The following TENM2 variants were observed in gnomAD, a reference collection of about 807,000 sequenced individuals.
TENM2 encodes teneurin transmembrane protein 2, also known as teneurin-2.
A neutral mutation model predicts 245.2 loss-of-function variants in TENM2; 52 were observed. The observed-to-expected ratio is 0.21, with a 90% CI of 0.17 to 0.27. TENM2 has a LOEUF of 0.27. Ranked by LOEUF, TENM2 falls within the 10% of genes least tolerant of loss-of-function variation. TENM2 has a pLI of 1.00. For missense variants in TENM2, 3,046 were observed against 3,666.8 expected, an observed-to-expected ratio of 0.83 and a Z score of 4.37; for synonymous variants, 1,363 against 1,438.9, an observed-to-expected ratio of 0.95 and a Z score of 1.19.
In TENM2 at chr5:168,067,611, C is replaced by T. The variant is rs188545305; in HGVS notation, c.1515+5346C>T. Among the ~76,000 whole-genome samples, 101 of 152,218 alleles carry T rather than the reference C, an allele frequency of 6.6e-4. 1 individual carries two copies. The highest frequency in any genetic ancestry group is 2.3e-3 in the African/African-American group (96 of 41,546). ...CATTTGAAAATGAACTCTGTCTTTCCTTGTCCCCTTCTTTCTTGCCTAAGT... is the reference window on the plus strand; with the variant it reads ...CATTTGAAAATGAACTCTGTCTTTCTTTGTCCCCTTCTTTCTTGCCTAAGT... On this transcript the variant is annotated intron_variant, in intron 7 of 28. Transcript: ENST00000518659.
chr5:167,454,127 T>C (rs1208141557), intron 2 of TENM2, among the ~76,000 whole-genome samples: 1 of 152,060 alleles, frequency 6.6e-6, no homozygotes, highest in Non-Finnish European at 1.5e-5. Context: ...CCAAGAAAGG[T>C]ATATTAAAGG....
At chr5:167,429,275 C>T (rs980059912) in intron 2 of TENM2, among the ~76,000 whole-genome samples, 6 of 152,186 alleles carry the variant, frequency 3.9e-5, no homozygotes, top group Non-Finnish European at 5.9e-5. Flanking sequence ...CTCCATGCAG[C>T]AAGCTCTGTG....
At chr5:167,480,464 A>G (rs1466871258) in intron 2 of TENM2, among the ~76,000 whole-genome samples, 2 of 152,236 alleles carry the variant, frequency 1.3e-5, no homozygotes, top group Non-Finnish European at 2.9e-5. Context: ...ACTAAAGAGG[A>G]AATGTGAACA....
At chr5:167,261,778 G>A in the TENM2 span, among the ~76,000 whole-genome samples, 1 of 152,166 alleles carries the variant, frequency 6.6e-6, no homozygotes, top group African/African-American at 2.4e-5. Context: ...GATATAGTCT[G>A]TGCTGAATAT....
chr5:167,268,101 A>G, the TENM2 span, among the ~76,000 whole-genome samples: 1 of 150,198 alleles, frequency 6.7e-6, no homozygotes, highest in African/African-American at 2.5e-5. Context: ...CATTTGATAA[A>G]TGAAATATCT....
At chr5:168,211,361 CCTT>C (rs1379548310) in intron 19 of TENM2, among the ~76,000 whole-genome samples, 1 of 152,240 alleles carries the variant, frequency 6.6e-6, no homozygotes, top group Non-Finnish European at 1.5e-5. Context: ...GTTTCAAAAT[CCTT>C]CTACCACCAC....
the TENM2 span, among the ~76,000 whole-genome samples, chr5:166,991,735 C>T: frequency 1.3e-5 from 2 of 152,122 alleles, no homozygotes; most frequent in Non-Finnish European, 2.9e-5. Context: ...GTAAATTTTG[C>T]ATCTGATACA....
chr5:167,055,721 G>T, the TENM2 span, among the ~76,000 whole-genome samples: 4 of 151,926 alleles, frequency 2.6e-5, no homozygotes, highest in African/African-American at 9.7e-5. Context: ...TTTATTGCTG[G>T]TATAAATAAA....
At chr5:167,429,442 G>A (rs1038140289) in intron 2 of TENM2, among the ~76,000 whole-genome samples, 3 of 152,112 alleles carry the variant, frequency 2.0e-5, no homozygotes, top group African/African-American at 7.2e-5. Context: ...AAACAAGCCA[G>A]TCCCTGTGTT....
At chr5:167,909,370 G>T (rs533562054) in intron 3 of TENM2, among the ~76,000 whole-genome samples, 62 of 152,144 alleles carry the variant, frequency 4.1e-4, no homozygotes, top group Admixed American at 1.7e-3. Flanking sequence ...CTTCTATAGG[G>T]AATGATGGAT....
At chr5:167,501,058 C>A (rs1301351893) in intron 2 of TENM2, among the ~76,000 whole-genome samples, 1 of 152,132 alleles carries the variant, frequency 6.6e-6, no homozygotes, top group Non-Finnish European at 1.5e-5. Context: ...TTTCCTCTGG[C>A]CTTTTTAGTC....
intron 2 of TENM2, among the ~76,000 whole-genome samples, chr5:167,791,236 A>G (rs1369273561): frequency 1.3e-5 from 2 of 151,786 alleles, no homozygotes; most frequent in Admixed American, 1.3e-4. Flanking sequence ...GATTTCTCTC[A>G]TACATTGTAA....
intron 12 of TENM2, among the ~76,000 whole-genome samples, chr5:168,140,367 G>A (rs1407902697): frequency 2.0e-5 from 3 of 152,168 alleles, no homozygotes; most frequent in Non-Finnish European, 2.9e-5. Flanking sequence ...GGCAAATACA[G>A]CATTCAAGAA....
the TENM2 span, among the ~76,000 whole-genome samples, chr5:167,237,682 G>GA: frequency 6.6e-6 from 1 of 152,128 alleles, no homozygotes; most frequent in Non-Finnish European, 1.5e-5. Context: ...CAGCTTGGAG[G>GA]AAAATCACCA....
At chr5:167,342,775 C>T (rs1225299624) in intron 1 of TENM2, among the ~76,000 whole-genome samples, 14 of 151,858 alleles carry the variant, frequency 9.2e-5, no homozygotes, top group African/African-American at 2.9e-4. Flanking sequence ...GATCCACCCT[C>T]CTCGGCCTCC....
At chr5:167,129,708 C>A in the TENM2 span, among the ~76,000 whole-genome samples, 1 of 151,996 alleles carries the variant, frequency 6.6e-6, no homozygotes, top group Non-Finnish European at 1.5e-5. Context: ...AGAGAGTGTG[C>A]AAGAAAATAG....
intron 12 of TENM2, among the ~76,000 whole-genome samples, chr5:168,142,108 A>T (rs1375140842): frequency 6.6e-6 from 1 of 152,236 alleles, no homozygotes; most frequent in Non-Finnish European, 1.5e-5. Context: ...CAAGCCCACC[A>T]GGCTGAACTA....
At chr5:167,075,649 G>A in the TENM2 span, among the ~76,000 whole-genome samples, 6 of 152,142 alleles carry the variant, frequency 3.9e-5, no homozygotes, top group African/African-American at 7.2e-5. Context: ...ACGTGTTGCC[G>A]TCATGTGATA....
intron 2 of TENM2, among the ~76,000 whole-genome samples, chr5:167,798,943 A>G (rs1271168860): frequency 2.6e-5 from 4 of 152,160 alleles, no homozygotes; most frequent in Non-Finnish European, 5.9e-5. Flanking sequence ...CTTCTGCCCA[A>G]TTGTCCCCAC....
Sources: allele counts gnomAD v4.1 joint callset (sites outside exome capture counted in the v4.1 genomes callset), GRCh38; gene constraint gnomAD v4.1.1; transcripts MANE v1.5; gene names NCBI Gene and HGNC (gene_info 2026-07-23, HGNC 2026-07-21).